Variants in SCAP observed in about 807,000 individuals in gnomAD.
SCAP encodes sterol regulatory element-binding protein cleavage-activating protein.
In SCAP, 65 loss-of-function variants were observed where a neutral mutation model predicts 123.6. The ratio of observed to expected loss-of-function variants is 0.53; its 90% CI spans 0.43 to 0.65. SCAP has a LOEUF of 0.65. Among genes scored for constraint, SCAP ranks in the 30% least tolerant of loss-of-function variants. The pLI is 0.00. For missense variants in SCAP, 1,398 were observed against 1,712.5 expected, an observed-to-expected ratio of 0.82 and a Z score of 3.24; for synonymous variants, 740 against 726.3, an observed-to-expected ratio of 1.02 and a Z score of -0.30.
chr3:47,428,486 G>C, intron 4 of SCAP, 27 bp downstream of exon 4: 1 of 1,610,938 alleles, frequency 6.2e-7, no homozygotes, highest in Non-Finnish European at 8.5e-7. Flanking sequence ...TGGGATTCAG[G>C]GAGGCCAGGG....
At chr3:47,460,442 T>C (rs865777573) in intron 1 of SCAP, among the ~76,000 whole-genome samples, 2 of 152,240 alleles carry the variant, frequency 1.3e-5, no homozygotes, top group Non-Finnish European at 2.9e-5. Flanking sequence ...TATATGTCCA[T>C]ATTAAAATGA....
intron 18 of SCAP, among the ~76,000 whole-genome samples, chr3:47,416,728 G>A (rs868713739): frequency 1.4e-3 from 195 of 138,432 alleles, no homozygotes; most frequent in Middle Eastern, 4.3e-3. Flanking sequence ...CCGGGTTCAC[G>A]CCATTCTCCT....
rs1706084384 is a variant in SCAP at position 47,425,481 on chromosome 3, C to T, written c.1037+4G>A. ...TGGCCCAGTGGAGCCTGCTAGGGAC[C>T]TACCCGCCATTGAGGGTGGGCGTCA... On this transcript the variant is annotated splice_donor_region_variant and intron_variant, in intron 8 of 22. Transcript: ENST00000265565. The T allele has an allele frequency of 6.2e-7, 1 of 1,613,318 alleles. No individual in the cohort carries two copies. Among genetic ancestry groups the T allele is most frequent in the Non-Finnish European group, 8.5e-7 (1 of 1,179,922 alleles).
chr3:47,448,738 C>T (rs938303321), intron 1 of SCAP, among the ~76,000 whole-genome samples: 33 of 152,046 alleles, frequency 2.2e-4, no homozygotes, highest in Non-Finnish European at 7.4e-5. Flanking sequence ...ATTTCAAGAG[C>T]ATTCACCCTT....
chr3:47,445,265 A>AGATAAAGT (rs1706987283), intron 1 of SCAP, among the ~76,000 whole-genome samples: 1 of 65,952 alleles, frequency 1.5e-5, no homozygotes, highest in South Asian at 4.6e-4. Flanking sequence ...TTTTTTTTTG[A>AGATAAAGT]GATAAAGTTT....
In SCAP at chr3:47,426,183, A is replaced by C. The variant is rs1347384617; in HGVS notation, c.738-14T>G. 1 of 1,609,670 alleles carries C rather than the reference A, an allele frequency of 6.2e-7. No homozygotes were observed. Among genetic ancestry groups the C allele is most frequent in the South Asian group, 1.1e-5 (1 of 90,652 alleles). ...CTGCCCAGGAACCTGGTCAAGGAGC[A>C]GGGTGGGGGTAAATGGAAGTGTTGC... is the stretch of plus-strand genomic sequence containing the variant. On this transcript the variant is annotated splice_polypyrimidine_tract_variant and intron_variant, in intron 6 of 22. Transcript: ENST00000265565.
intron 2 of SCAP, among the ~76,000 whole-genome samples, chr3:47,442,176 A>G (rs1201555624): frequency 6.6e-6 from 1 of 152,248 alleles, no homozygotes; most frequent in Non-Finnish European, 1.5e-5. Flanking sequence ...AGAGAAAAGA[A>G]TAAGATGGGC....
chr3:47,455,092 T>C (rs1707370222), intron 1 of SCAP, among the ~76,000 whole-genome samples: 1 of 86,700 alleles, frequency 1.2e-5, no homozygotes, highest in Non-Finnish European at 2.6e-5. Context: ...TATATATATA[T>C]ATAATCAACT....
At chr3:47,434,215 G>A (rs1486971603) in intron 3 of SCAP, among the ~76,000 whole-genome samples, 1 of 152,210 alleles carries the variant, frequency 6.6e-6, no homozygotes, top group Non-Finnish European at 1.5e-5. Flanking sequence ...TCAGAGAGAA[G>A]GGGGAGGAGA....
At chr3:47,432,757 A>C (rs539176068) in intron 3 of SCAP, among the ~76,000 whole-genome samples, 1 of 152,230 alleles carries the variant, frequency 6.6e-6, no homozygotes, top group East Asian at 1.9e-4. Context: ...GGCTCACTGC[A>C]GCCTTAAACT....
At chr3:47,441,621 C>T (rs920501139) in intron 2 of SCAP, among the ~76,000 whole-genome samples, 2 of 152,092 alleles carry the variant, frequency 1.3e-5, no homozygotes, top group African/African-American at 4.8e-5. Context: ...GCAGTTTAAA[C>T]ACCAATACAA....
chr3:47,419,352 T>C lies in SCAP; in HGVS notation c.1916A>G (p.Tyr639Cys). The C allele has an allele frequency of 1.2e-6, 2 of 1,612,902 alleles. No individual in the cohort carries two copies. The highest frequency in any genetic ancestry group is 1.1e-5 in the South Asian group (1 of 91,012). Residue 639 changes from tyrosine (Y) to cysteine (C), a missense_variant, in exon 13 of 23, where the codon TAT (tyrosine) becomes TGT (cysteine). Tyr to Cys is a radical substitution (Grantham distance 194, BLOSUM62 -2). Around this residue, in one of 7 missense-constraint regions of SCAP, gnomAD observed 828 missense variants for 882.5 expected, o/e 0.94. Transcript: ENST00000265565. The surrounding 1 kb of genome is among the most constrained non-coding windows in gnomAD (Gnocchi z 5.0). ...CCTCTTGGCCAGTGTGATGTTGTAATAGCTGAAGAGCGTCGGCCAGTGGCG... is the reference window on the plus strand; with the variant it reads ...CCTCTTGGCCAGTGTGATGTTGTAACAGCTGAAGAGCGTCGGCCAGTGGCG... The part of the protein sequence containing the change: ...SFRHWPTLFS[Y>C]YNITLAKRYI...
At position 47,419,446 on chromosome 3, in the gene SCAP, G is replaced by A. The variant is rs1705792173; in HGVS notation, c.1822C>T (p.His608Tyr). ...PERGGPAEVV[H>Y]DSPVPEVTWG... ...GTTACCTCTGGGACTGGGCTGTCAT[G>A]GACAACCTCTGCTGGACCTCCACGC... Residue 608 changes from histidine (H) to tyrosine (Y), a missense_variant, in exon 13 of 23, where the codon CAT (histidine) becomes TAT (tyrosine). By Grantham distance (83) the His-to-Tyr change is moderately conservative. Around this residue, in one of 7 missense-constraint regions of SCAP, gnomAD observed 828 missense variants for 882.5 expected, o/e 0.94. Transcript: ENST00000265565. The surrounding 1 kb of genome is among the most constrained non-coding windows in gnomAD (Gnocchi z 5.0). 1 of 1,613,990 alleles carries A rather than the reference G, an allele frequency of 6.2e-7. No homozygotes were observed. Among genetic ancestry groups the A allele is most frequent in the Non-Finnish European group, 8.5e-7 (1 of 1,180,008 alleles).
At chr3:47,437,183 T>C (rs997964521) in intron 2 of SCAP, among the ~76,000 whole-genome samples, 1 of 152,190 alleles carries the variant, frequency 6.6e-6, no homozygotes, top group South Asian at 2.1e-4. Flanking sequence ...CTCACGCCTG[T>C]AATCCCAGCA....
chr3:47,414,026 GAGACACAGCCC>G lies in SCAP; in HGVS notation c.3657_3667del (p.Gln1219HisfsTer21). ...GTCCCCGTAGTTTAGGTCCCAAAAGGAGACACAGCCCTGGCCGCCAGTCACCAGCAGGTTGT... is the reference window on the plus strand; with the variant it reads ...GTCCCCGTAGTTTAGGTCCCAAAAGGTGGCCGCCAGTCACCAGCAGGTTGT... On this transcript the variant is annotated frameshift_variant, in exon 23 of 23. Coordinates refer to ENST00000265565, the MANE Select transcript of SCAP (RefSeq NM_012235.4). LOFTEE classifies it high-confidence loss of function. 6.2e-7 allele frequency: 1 copy of G among 1,613,272 alleles called. No individual in the cohort carries two copies. Among genetic ancestry groups the G allele is most frequent in the Non-Finnish European group, 8.5e-7 (1 of 1,180,020 alleles).
intron 1 of SCAP, among the ~76,000 whole-genome samples, chr3:47,455,665 C>T (rs1312299212): frequency 6.6e-6 from 1 of 150,410 alleles, no homozygotes; most frequent in Non-Finnish European, 1.5e-5. Context: ...AAGATGACTT[C>T]AACAAAAAGA....
chr3:47,428,383 C>T, intron 4 of SCAP, 130 bp downstream of exon 4: 1 of 987,366 alleles, frequency 1.0e-6, no homozygotes, highest in Non-Finnish European at 1.5e-6. Context: ...AAGGCTAGCT[C>T]ACCCTCCATC....
chr3:47,417,958 G>C, intron 16 of SCAP, 132 bp from the exon 17 acceptor site: 1 of 403,766 alleles, frequency 2.5e-6, no homozygotes, highest in Admixed American at 3.1e-5. Flanking sequence ...AGGGTGGTGC[G>C]GGGTGGGGAG....
At chr3:47,473,135 G>A (rs1218779212) in intron 1 of SCAP, among the ~76,000 whole-genome samples, 2 of 142,670 alleles carry the variant, frequency 1.4e-5, no homozygotes, top group African/African-American at 5.2e-5. Flanking sequence ...CAGCATAAAA[G>A]GATGGACTCT....
Sources: allele counts gnomAD v4.1 joint callset (sites outside exome capture counted in the v4.1 genomes callset), GRCh38; gene constraint gnomAD v4.1.1; regional missense constraint gnomAD v4.1.1; non-coding constraint Gnocchi (gnomAD v3.1); transcripts MANE v1.5; gene names NCBI Gene and HGNC (gene_info 2026-07-23, HGNC 2026-07-21).